Variants in PTPRD observed in about 807,000 individuals in gnomAD.
PTPRD encodes protein tyrosine phosphatase receptor type D.
PTPRD carries 34 observed loss-of-function variants against 214.5 expected under a neutral mutation model. The observed-to-expected ratio is 0.16, with a 90% CI of 0.12 to 0.21. PTPRD has a LOEUF of 0.21. Ranked by LOEUF, PTPRD falls within the 10% of genes least tolerant of loss-of-function variation. The pLI is 1.00. For synonymous variants in PTPRD, 1,128 were observed against 845.7 expected, an observed-to-expected ratio of 1.33 and a Z score of -5.79; for missense variants, 2,545 against 2,398.7, an observed-to-expected ratio of 1.06 and a Z score of -1.27.
intron 10 of PTPRD, among the ~76,000 whole-genome samples, chr9:9,089,178 C>T (rs1048621902): frequency 6.6e-6 from 1 of 152,074 alleles, no homozygotes; most frequent in Admixed American, 6.6e-5. Context: ...TGTTGAAGGA[C>T]TTGACACAGT....
intron 4 of PTPRD, among the ~76,000 whole-genome samples, chr9:9,947,816 A>G (rs2153987219): frequency 6.7e-6 from 1 of 149,542 alleles, no homozygotes; most frequent in Admixed American, 6.9e-5. Flanking sequence ...AAGAGATTCA[A>G]GTAATGGTGC....
intron 11 of PTPRD, among the ~76,000 whole-genome samples, chr9:8,983,755 G>A (rs1016991755): frequency 3.3e-5 from 5 of 151,724 alleles, no homozygotes; most frequent in Admixed American, 6.6e-5. Context: ...TGGCCTTAAA[G>A]ATCCTCCCAC....
chr9:8,962,489 G>T (rs529026238), intron 11 of PTPRD, among the ~76,000 whole-genome samples: 1 of 151,772 alleles, frequency 6.6e-6, no homozygotes, highest in Non-Finnish European at 1.5e-5. Context: ...AATGACTAAA[G>T]ATAAGACATG....
intron 10 of PTPRD, among the ~76,000 whole-genome samples, chr9:9,055,219 G>T (rs1456560828): frequency 6.6e-6 from 1 of 152,022 alleles, no homozygotes; most frequent in Non-Finnish European, 1.5e-5. Flanking sequence ...GCTTATAAGA[G>T]CCACCATCAG....
chr9:8,926,883 T>C (rs1180574388), intron 11 of PTPRD, among the ~76,000 whole-genome samples: 1 of 152,290 alleles, frequency 6.6e-6, no homozygotes, highest in Non-Finnish European at 1.5e-5. Context: ...ATGTTTTAAG[T>C]ATTAAGACAA....
chr9:9,895,883 G>C (rs1040464310), intron 5 of PTPRD, among the ~76,000 whole-genome samples: 1 of 151,868 alleles, frequency 6.6e-6, no homozygotes, highest in East Asian at 1.9e-4. Flanking sequence ...CTATCACGAA[G>C]GTGATGAATA....
intron 9 of PTPRD, among the ~76,000 whole-genome samples, chr9:9,194,322 T>C (rs1165424603): frequency 2.6e-5 from 4 of 152,194 alleles, no homozygotes; most frequent in Non-Finnish European, 5.9e-5. Flanking sequence ...TCTAAAGTAA[T>C]AATTAAAAGT....
intron 9 of PTPRD, among the ~76,000 whole-genome samples, chr9:9,261,212 T>C (rs987680647): frequency 6.6e-5 from 10 of 151,896 alleles, no homozygotes; most frequent in Admixed American, 3.3e-4. Flanking sequence ...ATAATATTAT[T>C]AAGCAGAGAT....
At chr9:9,565,154 A>G (rs2084116871) in intron 8 of PTPRD, among the ~76,000 whole-genome samples, 2 of 151,762 alleles carry the variant, frequency 1.3e-5, no homozygotes, top group Admixed American at 1.3e-4. Flanking sequence ...TAAAGTGGAA[A>G]GGATTATCTG....
At chr9:8,657,234 C>T (rs1347078278) in intron 12 of PTPRD, among the ~76,000 whole-genome samples, 1 of 141,958 alleles carries the variant, frequency 7.0e-6, no homozygotes, top group Admixed American at 7.5e-5. Context: ...ATGGTGCAAT[C>T]TTGGCTCACT....
chr9:10,237,043 A>G (rs1276730489), intron 3 of PTPRD, among the ~76,000 whole-genome samples: 1 of 151,948 alleles, frequency 6.6e-6, no homozygotes, highest in Non-Finnish European at 1.5e-5. Flanking sequence ...AAATCCACAC[A>G]AAGTACAATA....
chr9:10,177,185 C>G (rs2099253746), intron 3 of PTPRD, among the ~76,000 whole-genome samples: 1 of 151,804 alleles, frequency 6.6e-6, no homozygotes, highest in Non-Finnish European at 1.5e-5. Context: ...GGAGTGCTTC[C>G]TGCATTTAAA....
intron 2 of PTPRD, among the ~76,000 whole-genome samples, chr9:10,587,241 G>T (rs749792742): frequency 3.9e-5 from 6 of 151,984 alleles, no homozygotes; most frequent in Non-Finnish European, 8.8e-5. Context: ...GGCATCTGCC[G>T]CCCTGCCTCC....
chr9:10,063,008 G>T (rs1295999373), intron 3 of PTPRD, among the ~76,000 whole-genome samples: 1 of 152,022 alleles, frequency 6.6e-6, no homozygotes, highest in African/African-American at 2.4e-5. Context: ...AGAAAAGACT[G>T]TGGAAACAGA....
intron 6 of PTPRD, among the ~76,000 whole-genome samples, chr9:9,739,933 G>A (rs867232279): frequency 6.6e-6 from 1 of 152,000 alleles, no homozygotes; most frequent in African/African-American, 2.4e-5. Context: ...TGTGTTTTAA[G>A]AAATTCCAAA....
chr9:8,398,335 G>C (rs894376627), intron 36 of PTPRD, among the ~76,000 whole-genome samples: 11 of 152,074 alleles, frequency 7.2e-5, no homozygotes, highest in African/African-American at 2.4e-4. Flanking sequence ...GTCCGAGCAA[G>C]CTCTGCAGAA....
chr9:8,656,068 C>T (rs952342865), intron 12 of PTPRD, among the ~76,000 whole-genome samples: 1 of 152,108 alleles, frequency 6.6e-6, no homozygotes, highest in East Asian at 1.9e-4. Flanking sequence ...AGACTCCTAG[C>T]CTTTTATGAA....
At chr9:9,893,994 G>A (rs991723632) in intron 5 of PTPRD, among the ~76,000 whole-genome samples, 1 of 151,960 alleles carries the variant, frequency 6.6e-6, no homozygotes, top group African/African-American at 2.4e-5. Context: ...GTTGGTATTT[G>A]GTAGAGAAGG....
intron 5 of PTPRD, among the ~76,000 whole-genome samples, chr9:9,822,491 A>G (rs2051133333): frequency 6.8e-6 from 1 of 148,086 alleles, no homozygotes; most frequent in Non-Finnish European, 1.5e-5. Flanking sequence ...TATATACAGA[A>G]CATATAATAT....
Sources: gnomAD v4.1 joint callset for allele counts (sites outside exome capture counted in the v4.1 genomes callset) on GRCh38, gnomAD v4.1.1 for gene constraint, MANE v1.5 for transcripts, NCBI Gene and HGNC (gene_info 2026-07-23, HGNC 2026-07-21) for gene names.